NRG3: variants seen among roughly 807,000 people sequenced by gnomAD.
The protein encoded by NRG3 is pro-neuregulin-3, membrane-bound isoform.
In NRG3, 31 loss-of-function variants were observed where a neutral mutation model predicts 66.9. That is an observed-to-expected ratio of 0.46 (90% CI 0.35 to 0.63). The LOEUF is 0.63. Among genes scored for constraint, NRG3 ranks in the 20% least tolerant of loss-of-function variants. The pLI is 0.00. For missense variants in NRG3, 910 were observed against 878.9 expected (o/e 1.04, Z -0.45); for synonymous variants, 393 against 359.4 (o/e 1.09, Z -1.06).
intron 1 of NRG3, among the ~76,000 whole-genome samples, chr10:81,876,513 C>T (rs2132431233): frequency 6.6e-6 from 1 of 152,290 alleles, no homozygotes; most frequent in South Asian, 2.1e-4. Flanking sequence ...GATCCCGCTC[C>T]AGTAGAGGGC....
At chr10:81,893,350 C>G (rs565167331) in intron 1 of NRG3, among the ~76,000 whole-genome samples, 1 of 152,072 alleles carries the variant, frequency 6.6e-6, no homozygotes, top group African/African-American at 2.4e-5. Flanking sequence ...CATATTAAAA[C>G]ATAATGAGTG....
At chr10:82,405,311 A>ATGCTT (rs913254936) in intron 2 of NRG3, among the ~76,000 whole-genome samples, 1 of 152,152 alleles carries the variant, frequency 6.6e-6, no homozygotes, top group African/African-American at 2.4e-5. Flanking sequence ...TGAGAGTGGC[A>ATGCTT]TGCTTTGCCT....
At chr10:82,635,849 C>A (rs960323680) in intron 2 of NRG3, among the ~76,000 whole-genome samples, 4 of 152,070 alleles carry the variant, frequency 2.6e-5, no homozygotes, top group African/African-American at 9.7e-5. Flanking sequence ...GTGGACTAGG[C>A]TTGGGCTTTG....
intron 2 of NRG3, among the ~76,000 whole-genome samples, chr10:82,725,420 C>T (rs1377556662): frequency 1.3e-5 from 2 of 152,170 alleles, no homozygotes; most frequent in African/African-American, 4.8e-5. Flanking sequence ...CCCTTGCACA[C>T]TGTGTGAGCT....
At chr10:82,335,957 T>A (rs527536513) in intron 1 of NRG3, among the ~76,000 whole-genome samples, 2 of 152,134 alleles carry the variant, frequency 1.3e-5, no homozygotes, top group African/African-American at 4.8e-5. Context: ...TATTTTAGAG[T>A]TTATGGGTCA....
intron 1 of NRG3, among the ~76,000 whole-genome samples, chr10:82,088,130 C>T (rs1469256949): frequency 1.3e-5 from 2 of 152,028 alleles, no homozygotes; most frequent in East Asian, 3.9e-4. Context: ...AAGACGATTC[C>T]CTACTTTCCT....
At chr10:82,714,091 A>C (rs2056833686) in intron 2 of NRG3, among the ~76,000 whole-genome samples, 1 of 152,188 alleles carries the variant, frequency 6.6e-6, no homozygotes, top group South Asian at 2.1e-4. Flanking sequence ...AGTCCAGTTA[A>C]TTTCATTTAC....
At chr10:82,942,123 A>C (rs1848629038) in intron 4 of NRG3, among the ~76,000 whole-genome samples, 1 of 152,116 alleles carries the variant, frequency 6.6e-6, no homozygotes, top group African/African-American at 2.4e-5. Context: ...TACAAAGGAA[A>C]TGTTCTCAAG....
At chr10:82,840,350 CT>C (rs1175485356) in intron 3 of NRG3, among the ~76,000 whole-genome samples, 5 of 152,074 alleles carry the variant, frequency 3.3e-5, no homozygotes, top group Non-Finnish European at 7.4e-5. Context: ...CATCTTGATC[CT>C]TTTTCTCCTA....
chr10:82,002,291 G>C (rs2061201412), intron 1 of NRG3, among the ~76,000 whole-genome samples: 1 of 152,054 alleles, frequency 6.6e-6, no homozygotes, highest in African/African-American at 2.4e-5. Flanking sequence ...AAGCCAAATT[G>C]CCTTACCATG....
chr10:82,609,131 C>T (rs758968127), intron 2 of NRG3, among the ~76,000 whole-genome samples: 12 of 152,000 alleles, frequency 7.9e-5, no homozygotes, highest in East Asian at 1.9e-4. Context: ...AAATTTATGA[C>T]GTTAGAAAAG....
chr10:82,052,634 A>G (rs2063656374), intron 1 of NRG3, among the ~76,000 whole-genome samples: 1 of 152,208 alleles, frequency 6.6e-6, no homozygotes, highest in African/African-American at 2.4e-5. Flanking sequence ...GAGAAGAGTT[A>G]AAGTGATTAA....
At chr10:82,775,455 C>G (rs1300716447) in intron 3 of NRG3, among the ~76,000 whole-genome samples, 1 of 151,770 alleles carries the variant, frequency 6.6e-6, no homozygotes, top group Non-Finnish European at 1.5e-5. Context: ...GTTTCATATA[C>G]TTATAGTTCA....
At chr10:82,279,203 C>T (rs1421914195) in intron 1 of NRG3, among the ~76,000 whole-genome samples, 7 of 152,180 alleles carry the variant, frequency 4.6e-5, no homozygotes, top group East Asian at 1.9e-4. Context: ...TAGGCAGCAG[C>T]GCCCATGCTG....
At chr10:82,349,065 C>A (rs144979456) in intron 1 of NRG3, among the ~76,000 whole-genome samples, 9,787 of 152,246 alleles carry the variant, frequency 0.064, 835 homozygotes, top group African/African-American at 0.19. Context: ...TCTCTCAGCT[C>A]GTCAAAGTCA....
At chr10:82,278,315 C>T (rs952690744) in intron 1 of NRG3, among the ~76,000 whole-genome samples, 1 of 151,988 alleles carries the variant, frequency 6.6e-6, no homozygotes, top group African/African-American at 2.4e-5. Context: ...CTTCTGACTT[C>T]TTGAAGACCT....
At chr10:82,923,857 A>G (rs1250670941) in intron 4 of NRG3, among the ~76,000 whole-genome samples, 1 of 151,948 alleles carries the variant, frequency 6.6e-6, no homozygotes, top group African/African-American at 2.4e-5. Context: ...GGCCGGGCAC[A>G]GAGGTCAGGT....
chr10:82,257,818 T>A, intron 1 of NRG3, among the ~76,000 whole-genome samples: 1 of 152,162 alleles, frequency 6.6e-6, no homozygotes, highest in African/African-American at 2.4e-5. Context: ...TCTAACAAAA[T>A]AAAATCACCA....
At chr10:81,897,345 G>A (rs1843620774) in intron 1 of NRG3, among the ~76,000 whole-genome samples, 1 of 152,170 alleles carries the variant, frequency 6.6e-6, no homozygotes, top group Non-Finnish European at 1.5e-5. Flanking sequence ...TCTGGATGCT[G>A]TGTGGAACTG....
Sources: allele counts gnomAD v4.1 joint callset (sites outside exome capture counted in the v4.1 genomes callset), GRCh38; gene constraint gnomAD v4.1.1; transcripts MANE v1.5; gene names NCBI Gene and HGNC (gene_info 2026-07-23, HGNC 2026-07-21).